The following GRM5 variants were observed in gnomAD, a reference collection of about 807,000 sequenced individuals.
GRM5 encodes glutamate metabotropic receptor 5.
A neutral mutation model predicts 83.1 loss-of-function variants in GRM5; 19 were observed. The observed-to-expected ratio is 0.23, with a 90% confidence interval of 0.16 to 0.34. The LOEUF (loss-of-function observed/expected upper bound fraction) is 0.34, where lower values mean the gene tolerates loss of function less well. Among genes scored for constraint, GRM5 ranks in the 10% least tolerant of loss-of-function variants. The pLI, the probability that GRM5 is intolerant of heterozygous loss-of-function variation, is 1.00. For synonymous variants in GRM5, 675 were observed against 633.6 expected (o/e 1.07, Z -0.98); for missense variants, 1,160 against 1,588.3 (o/e 0.73, Z 4.58).
At position 88,565,995 on chromosome 11, in the gene GRM5, G is replaced by T. The variant is rs1283539667; in HGVS notation, c.2630+1058C>A. ...GCTGACAGAAAAGTAGGACTTTCCTGCAGGCTAAGTGATAGTATAGGAGAA... is the reference window on the plus strand; with the variant it reads ...GCTGACAGAAAAGTAGGACTTTCCTTCAGGCTAAGTGATAGTATAGGAGAA... On this transcript the variant is annotated intron_variant, in intron 8 of 9. Transcript: ENST00000305447. Among the ~76,000 whole-genome samples the T allele has an allele frequency of 2.6e-5, 4 of 152,156 alleles. No individual in the cohort carries two copies. In the East Asian group the frequency reaches 5.8e-4, roughly 22 times the overall value.
At chr11:88,553,245 C>T (rs980703064) in intron 8 of GRM5, among the ~76,000 whole-genome samples, 1 of 152,124 alleles carries the variant, frequency 6.6e-6, no homozygotes, top group African/African-American at 2.4e-5. Flanking sequence ...ACATTTGGTT[C>T]TCATTTTGCT....
intron 9 of GRM5, among the ~76,000 whole-genome samples, chr11:88,520,615 G>A (rs1941654199): frequency 6.6e-6 from 1 of 152,062 alleles, no homozygotes; most frequent in African/African-American, 2.4e-5. Context: ...AGATTTTCAA[G>A]GGCATTAGTC....
intron 9 of GRM5, chr11:88,524,178 T>G (rs891339838): frequency 2.2e-5 from 3 of 139,156 alleles, no homozygotes; most frequent in Admixed American, 7.2e-5. Context: ...GCCCTTTTCT[T>G]TTCTTTTTTC....
At chr11:88,922,834 A>C (rs1945715722) in intron 2 of GRM5, among the ~76,000 whole-genome samples, 1 of 152,178 alleles carries the variant, frequency 6.6e-6, no homozygotes. Flanking sequence ...ACATCTGACA[A>C]GGGATTAATA....
At chr11:89,012,188 A>G (rs1047242578) in intron 2 of GRM5, among the ~76,000 whole-genome samples, 3 of 152,234 alleles carry the variant, frequency 2.0e-5, no homozygotes, top group African/African-American at 7.2e-5. Flanking sequence ...AGAGGAGAAG[A>G]CATTGAAGAT....
chr11:88,922,249 G>A (rs1474652074), intron 2 of GRM5, among the ~76,000 whole-genome samples: 2 of 152,040 alleles, frequency 1.3e-5, no homozygotes, highest in Non-Finnish European at 2.9e-5. Flanking sequence ...AATTTATGTG[G>A]AACCACAAAA....
intron 1 of GRM5, among the ~76,000 whole-genome samples, chr11:89,059,768 AT>A (rs1290585282): frequency 3.9e-5 from 6 of 152,042 alleles, no homozygotes; most frequent in Non-Finnish European, 8.8e-5. Context: ...TATTTTTTTA[AT>A]TTATTTTTCT....
chr11:88,517,592 TG>T (rs1230725113), intron 9 of GRM5, among the ~76,000 whole-genome samples: 1 of 152,170 alleles, frequency 6.6e-6, no homozygotes, highest in Non-Finnish European at 1.5e-5. Flanking sequence ...TTATACATAA[TG>T]GGAATATGCC....
intron 8 of GRM5, among the ~76,000 whole-genome samples, chr11:88,544,252 G>C (rs1324973042): frequency 6.6e-6 from 1 of 152,142 alleles, no homozygotes; most frequent in Non-Finnish European, 1.5e-5. Flanking sequence ...ACACAAAACA[G>C]ACTAGGAAAA....
intron 4 of GRM5, among the ~76,000 whole-genome samples, chr11:88,623,033 G>A (rs1938683960): frequency 6.6e-6 from 1 of 152,026 alleles, no homozygotes; most frequent in Non-Finnish European, 1.5e-5. Context: ...GCAAGCAACT[G>A]CTTGTTAAGT....
At chr11:89,012,580 A>G (rs1448787447) in intron 2 of GRM5, among the ~76,000 whole-genome samples, 1 of 152,196 alleles carries the variant, frequency 6.6e-6, no homozygotes, top group Non-Finnish European at 1.5e-5. Context: ...TCTCTTTAGG[A>G]TCAAATCCAC....
intron 3 of GRM5, among the ~76,000 whole-genome samples, chr11:88,693,142 A>G (rs1236908842): frequency 2.0e-5 from 3 of 152,160 alleles, no homozygotes; most frequent in Non-Finnish European, 4.4e-5. Flanking sequence ...ATTCAATTCA[A>G]TTCAATTCAA....
intron 3 of GRM5, among the ~76,000 whole-genome samples, chr11:88,699,309 T>C (rs558878531): frequency 7.2e-5 from 11 of 152,298 alleles, no homozygotes; most frequent in Admixed American, 5.2e-4. Flanking sequence ...GAAAAACTCA[T>C]CGTGGAATCA....
At chr11:88,900,934 A>G (rs1945304325) in intron 2 of GRM5, among the ~76,000 whole-genome samples, 3 of 152,190 alleles carry the variant, frequency 2.0e-5, no homozygotes, top group Admixed American at 6.6e-5. Flanking sequence ...TATTCCTAGT[A>G]TTGCCAACTA....
At chr11:88,913,575 TTCTC>T (rs1195011629) in intron 2 of GRM5, among the ~76,000 whole-genome samples, 1,758 of 141,984 alleles carry the variant, frequency 0.012, 44 homozygotes, top group African/African-American at 0.044. Context: ...TTTTTTTTCC[TTCTC>T]TCTCTCTCTT....
chr11:88,798,875 T>A (rs1943337249), intron 3 of GRM5, among the ~76,000 whole-genome samples: 2 of 148,116 alleles, frequency 1.4e-5, no homozygotes. Context: ...TTATTTTATA[T>A]GACAATCCAG....
intron 2 of GRM5, among the ~76,000 whole-genome samples, chr11:88,897,793 T>G (rs571024116): frequency 6.6e-6 from 1 of 152,068 alleles, no homozygotes; most frequent in Non-Finnish European, 1.5e-5. Context: ...AAAAGGCACT[T>G]TCCTTTCCCT....
intron 2 of GRM5, among the ~76,000 whole-genome samples, chr11:88,946,008 C>G (rs541167330): frequency 1.6e-4 from 25 of 151,906 alleles, no homozygotes; most frequent in South Asian, 1.0e-3. Context: ...GTCTAGTATC[C>G]AGAAGCTATA....
At chr11:88,970,846 A>G (rs115125100) in intron 2 of GRM5, among the ~76,000 whole-genome samples, 7,525 of 152,280 alleles carry the variant, frequency 0.049, 617 homozygotes, top group African/African-American at 0.17. Flanking sequence ...ATGAGCCAGC[A>G]TATTAATACA....
Sources: allele counts gnomAD v4.1 joint callset (sites outside exome capture counted in the v4.1 genomes callset), GRCh38; gene constraint gnomAD v4.1.1; transcripts MANE v1.5; gene names NCBI Gene and HGNC (gene_info 2026-07-23, HGNC 2026-07-21).